The following ERG variants were observed in gnomAD, a reference collection of about 807,000 sequenced individuals.
ERG encodes the protein transcriptional regulator ERG.
ERG carries 9 observed loss-of-function variants against 55.3 expected under a neutral mutation model. The ratio of observed to expected loss-of-function variants is 0.16; its 90% CI spans 0.10 to 0.28. The LOEUF is 0.28. Among genes scored for constraint, ERG ranks in the 10% least tolerant of loss-of-function variants. The probability of loss-of-function intolerance (pLI) is 1.00; values close to 1 mark genes in which losing one functional copy is unlikely to be tolerated. For missense variants in ERG, 434 were observed against 631.6 expected, an observed-to-expected ratio of 0.69 and a Z score of 3.35; for synonymous variants, 223 against 237.3, an observed-to-expected ratio of 0.94 and a Z score of 0.55.
intron 1 of ERG, among the ~76,000 whole-genome samples, chr21:38,479,569 C>T (rs2059218695): frequency 6.6e-6 from 1 of 152,158 alleles, no homozygotes; most frequent in African/African-American, 2.4e-5. Context: ...AGAAGAAGGT[C>T]GTGGGATGAC....
intron 2 of ERG, among the ~76,000 whole-genome samples, chr21:38,525,949 C>G (rs1357513299): frequency 1.3e-5 from 2 of 152,090 alleles, no homozygotes; most frequent in Admixed American, 6.5e-5. Flanking sequence ...CATTAAGAAT[C>G]CGTTTAAAAA....
chr21:38,594,554 G>A (rs2060120099), intron 1 of ERG, among the ~76,000 whole-genome samples: 1 of 152,166 alleles, frequency 6.6e-6, no homozygotes, highest in Admixed American at 6.5e-5. Flanking sequence ...GAGCCCACAT[G>A]CCTTGCAGGA....
At chr21:38,538,507 A>T (rs2059728155) in intron 2 of ERG, among the ~76,000 whole-genome samples, 1 of 151,854 alleles carries the variant, frequency 6.6e-6, no homozygotes, top group African/African-American at 2.4e-5. Flanking sequence ...CCATCTAGCC[A>T]CTCCCTGCTT....
At chr21:38,423,084 AGTGTGTGTGT>A (rs71184624) in intron 3 of ERG, among the ~76,000 whole-genome samples, 1,836 of 144,436 alleles carry the variant, frequency 0.013, 34 homozygotes, top group African/African-American at 0.042. Context: ...CTCCATACGT[AGTGTGTGTGT>A]GTGTGTGTGT....
chr21:38,576,811 C>T (rs1240812838), intron 1 of ERG, among the ~76,000 whole-genome samples: 8 of 152,038 alleles, frequency 5.3e-5, no homozygotes, highest in African/African-American at 7.2e-5. Flanking sequence ...CGACACCTGC[C>T]GCCCAACCTC....
intron 3 of ERG, among the ~76,000 whole-genome samples, chr21:38,408,630 T>C (rs2836378): frequency 0.91 from 138,954 of 152,224 alleles, 63,518 homozygotes; most frequent in Non-Finnish European, 0.94. Context: ...CAGGTTTTGG[T>C]CCTAACCTTT....
chr21:38,577,165 G>A (rs559546987), intron 1 of ERG, among the ~76,000 whole-genome samples: 21 of 152,216 alleles, frequency 1.4e-4, no homozygotes, highest in Admixed American at 3.3e-4. Context: ...GCTACTGAGC[G>A]CATTACTGTA....
At chr21:38,375,736 G>C (rs571208763), downstream of ERG, among the ~76,000 whole-genome samples, 1 of 152,260 alleles carries the variant, frequency 6.6e-6, no homozygotes, top group African/African-American at 2.4e-5. Context: ...CATTTGGCTT[G>C]ATTGCGCATC....
Position 38,399,581 on chromosome 21 carries a change from C to T in ERG, c.745+993G>A, listed in dbSNP as rs145298851. Among the ~76,000 whole-genome samples, 167 of 152,322 alleles carry T rather than the reference C, an allele frequency of 1.1e-3. 1 individual carries two copies. Among genetic ancestry groups the T allele is most frequent in the African/African-American group, 3.7e-3 (154 of 41,566 alleles). On this transcript the variant is annotated intron_variant, in intron 6 of 9. Coordinates refer to ENST00000288319, the MANE Select transcript of ERG (RefSeq NM_182918.4). ...CCTAGCTTATCGGGCTGATGTAAGTCCCAGGGAGAGGACAAATGCTAAAGG... is the reference window on the plus strand; with the variant it reads ...CCTAGCTTATCGGGCTGATGTAAGTTCCAGGGAGAGGACAAATGCTAAAGG...
chr21:38,451,439 C>G (rs1018308858), intron 1 of ERG, among the ~76,000 whole-genome samples: 1 of 152,176 alleles, frequency 6.6e-6, no homozygotes, highest in South Asian at 2.1e-4. Flanking sequence ...CAGGTGGATG[C>G]CTGCCTTCTC....
rs11406884 is a variant in ERG, at chr21:38,572,192, T to TAA, written c.-41+3468_-41+3469dup. ...TAACACGGTGAAACCCCGTCTCTAC[T>TAA]AAAAAAAAAAAAAAAAATGCAAAAA... On this transcript the variant is annotated intron_variant, in intron 2 of 8. Transcript: ENST00000398897. 6.4e-3 allele frequency among the ~76,000 whole-genome samples: 839 copies of TAA among 130,560 alleles called. 8 individuals carry two copies. Among genetic ancestry groups the TAA allele is most frequent in the South Asian group, 0.027 (104 of 3,808 alleles). 85.7% of individuals were successfully genotyped at this position (130,560 alleles called of 152,430 possible). A position where few individuals can be genotyped will look rare whatever the true frequency, so the allele number is the denominator to read the frequency against.
intron 2 of ERG, among the ~76,000 whole-genome samples, chr21:38,546,070 A>G (rs2059786082): frequency 6.6e-6 from 1 of 152,014 alleles, no homozygotes; most frequent in African/African-American, 2.4e-5. Flanking sequence ...GACTCCCAAG[A>G]CCCAGTCAGC....
chr21:38,621,441 C>T (rs1337995045), intron 1 of ERG, among the ~76,000 whole-genome samples: 3 of 152,144 alleles, frequency 2.0e-5, no homozygotes, highest in Admixed American at 6.5e-5. Context: ...CTGCTTGCCC[C>T]TTGCCATCTC....
intron 1 of ERG, among the ~76,000 whole-genome samples, chr21:38,490,586 C>T (rs2146674581): frequency 6.6e-6 from 1 of 152,344 alleles, no homozygotes; most frequent in South Asian, 2.1e-4. Flanking sequence ...TGCACGAGAC[C>T]CCTCCCCGGT....
At chr21:38,450,377 C>CA (rs1227307324) in intron 1 of ERG, among the ~76,000 whole-genome samples, 1 of 151,052 alleles carries the variant, frequency 6.6e-6, no homozygotes, top group Non-Finnish European at 1.5e-5. Flanking sequence ...GACTCCATCT[C>CA]AAAAAAATAA....
At chr21:38,621,597 GGTTGCTGTT>G (rs1303851661) in intron 1 of ERG, among the ~76,000 whole-genome samples, 1 of 152,112 alleles carries the variant, frequency 6.6e-6, no homozygotes, top group African/African-American at 2.4e-5. Context: ...ACAAACAAGT[GGTTGCTGTT>G]ACAAATTACT....
chr21:38,554,155 C>T (rs147355613), intron 2 of ERG, among the ~76,000 whole-genome samples: 65 of 152,154 alleles, frequency 4.3e-4, no homozygotes, highest in Admixed American at 3.3e-3. Flanking sequence ...CCAGTCAGAA[C>T]GGCAATTTTA....
chr21:38,584,244 G>A (rs1406510009), intron 1 of ERG, among the ~76,000 whole-genome samples: 6 of 152,184 alleles, frequency 3.9e-5, no homozygotes, highest in Non-Finnish European at 1.5e-5. Flanking sequence ...TGCTTCTCCA[G>A]GGGAGCCCTA....
intron 1 of ERG, among the ~76,000 whole-genome samples, chr21:38,635,945 A>G (rs1312330878): frequency 6.6e-6 from 1 of 152,130 alleles, no homozygotes; most frequent in African/African-American, 2.4e-5. Flanking sequence ...ATACAAGATG[A>G]TATGGTTTGG....
Sources: gnomAD v4.1 joint callset for allele counts (sites outside exome capture counted in the v4.1 genomes callset) on GRCh38, gnomAD v4.1.1 for gene constraint, MANE v1.5 for transcripts, NCBI Gene and HGNC (gene_info 2026-07-23, HGNC 2026-07-21) for gene names.